Variants in PIP5K1B observed in about 807,000 individuals in gnomAD.
PIP5K1B encodes phosphatidylinositol 4-phosphate 5-kinase type-1 beta.
Under a neutral mutation model 67.0 loss-of-function variants are expected in PIP5K1B, and 42 were observed. The observed-to-expected ratio is 0.63, with a 90% CI of 0.49 to 0.81. The LOEUF is 0.81. PIP5K1B is among the 30% of genes least tolerant of loss of function. The pLI is 0.00. For synonymous variants in PIP5K1B, 214 were observed against 231.4 expected (o/e 0.92, Z 0.68); for missense variants, 459 against 646.3 (o/e 0.71, Z 3.14).
chr9:68,951,475 C>T (rs751913064), intron 14 of PIP5K1B, among the ~76,000 whole-genome samples: 2 of 152,186 alleles, frequency 1.3e-5, no homozygotes, highest in Admixed American at 1.3e-4. Context: ...ACCACCCTCA[C>T]CTGCTGCTTT....
At chr9:68,760,604 C>G (rs1224095401) in intron 2 of PIP5K1B, among the ~76,000 whole-genome samples, 1 of 152,072 alleles carries the variant, frequency 6.6e-6, no homozygotes, top group Non-Finnish European at 1.5e-5. Flanking sequence ...GGTCAGCTCA[C>G]TCTGCTGGAC....
At chr9:68,912,859 GAA>G (rs1292908455) in intron 8 of PIP5K1B, among the ~76,000 whole-genome samples, 1 of 152,198 alleles carries the variant, frequency 6.6e-6, no homozygotes, top group African/African-American at 2.4e-5. Flanking sequence ...CTTTAGTCAT[GAA>G]GAGAGGATGG....
chr9:68,881,846 C>G (rs1003765897), intron 6 of PIP5K1B, among the ~76,000 whole-genome samples: 8 of 152,224 alleles, frequency 5.3e-5, no homozygotes, highest in African/African-American at 1.9e-4. Flanking sequence ...TTCTTTCCTT[C>G]TCCATCATGT....
intron 1 of PIP5K1B, among the ~76,000 whole-genome samples, chr9:68,726,138 G>GACT (rs1828137390): frequency 6.6e-6 from 1 of 152,156 alleles, no homozygotes; most frequent in Non-Finnish European, 1.5e-5. Context: ...TGGATTGTTT[G>GACT]TAACACAAAG....
chr9:68,780,709 T>C, intron 2 of PIP5K1B: 2 of 1,614,196 alleles, frequency 1.2e-6, no homozygotes, highest in Non-Finnish European at 1.7e-6. Context: ...ACGACCCGAT[T>C]TACCACCCGG....
chr9:68,953,401 C>T (rs571759337), intron 14 of PIP5K1B, among the ~76,000 whole-genome samples: 2 of 152,002 alleles, frequency 1.3e-5, no homozygotes, highest in African/African-American at 4.8e-5. Flanking sequence ...TTTTTAGTCT[C>T]GGTTTTCATC....
chr9:68,826,910 C>A (rs962518636), intron 4 of PIP5K1B, among the ~76,000 whole-genome samples: 2 of 139,288 alleles, frequency 1.4e-5, no homozygotes. Flanking sequence ...TGCCGCCACG[C>A]CTGGCTAATT....
chr9:68,758,704 T>C (rs1476135376), intron 2 of PIP5K1B, among the ~76,000 whole-genome samples: 1 of 151,968 alleles, frequency 6.6e-6, no homozygotes, highest in African/African-American at 2.4e-5. Context: ...TGGAATAAGA[T>C]TTGAATAAAT....
intron 8 of PIP5K1B, among the ~76,000 whole-genome samples, chr9:68,909,441 A>G (rs1346926550): frequency 1.3e-5 from 2 of 151,992 alleles, no homozygotes; most frequent in African/African-American, 4.8e-5. Flanking sequence ...ATTATAATGG[A>G]TTAAAAATAT....
At chr9:68,872,080 G>A (rs1341745661) in intron 5 of PIP5K1B, among the ~76,000 whole-genome samples, 4 of 152,230 alleles carry the variant, frequency 2.6e-5, no homozygotes, top group Admixed American at 6.5e-5. Flanking sequence ...GTGGACTTCA[G>A]GAGGCAAACG....
At chr9:68,818,103 A>G (rs902027508) in intron 2 of PIP5K1B, among the ~76,000 whole-genome samples, 1 of 152,164 alleles carries the variant, frequency 6.6e-6, no homozygotes, top group Admixed American at 6.5e-5. Flanking sequence ...TCCAGCTTGA[A>G]TCTCCAGATA....
intron 3 of PIP5K1B, among the ~76,000 whole-genome samples, chr9:68,820,332 T>C (rs1435998441): frequency 6.6e-6 from 1 of 152,228 alleles, no homozygotes; most frequent in East Asian, 1.9e-4. Context: ...TTTAAGCTGA[T>C]ACAGCATGGA....
At chr9:68,781,517 T>C (rs1306754384) in intron 2 of PIP5K1B, 1 of 167,818 alleles carries the variant, frequency 6.0e-6, no homozygotes, top group Non-Finnish European at 1.5e-5. Context: ...GTTATATCTA[T>C]CTAGTGGTTG....
At chr9:68,874,818 C>A (rs1378850367) in intron 5 of PIP5K1B, among the ~76,000 whole-genome samples, 1 of 152,170 alleles carries the variant, frequency 6.6e-6, no homozygotes. Flanking sequence ...CCACTGAAAG[C>A]AGCCTGCTTC....
intron 15 of PIP5K1B, among the ~76,000 whole-genome samples, chr9:68,994,172 C>T (rs1271479992): frequency 1.3e-5 from 2 of 151,010 alleles, no homozygotes; most frequent in Non-Finnish European, 2.9e-5. Flanking sequence ...TCCTAAGTAG[C>T]TGGGATTACA....
intron 1 of PIP5K1B, among the ~76,000 whole-genome samples, chr9:68,718,153 T>C (rs1827716694): frequency 6.6e-6 from 1 of 152,142 alleles, no homozygotes; most frequent in Non-Finnish European, 1.5e-5. Context: ...TAAAACCCCC[T>C]AAAGACTCCC....
chr9:68,879,808 CTATT>C, intron 6 of PIP5K1B, among the ~76,000 whole-genome samples: 1 of 151,946 alleles, frequency 6.6e-6, no homozygotes, highest in Admixed American at 6.5e-5. Flanking sequence ...ATATGTATAA[CTATT>C]ATATATCATT....
chr9:69,004,321 G>A (rs1462889544), intron 15 of PIP5K1B, among the ~76,000 whole-genome samples: 1 of 109,024 alleles, frequency 9.2e-6, no homozygotes, highest in African/African-American at 3.1e-5. Context: ...CTTTGTGGGC[G>A]TGTGTGTGTG....
chr9:68,989,094 CA>C (rs71353097), intron 14 of PIP5K1B, among the ~76,000 whole-genome samples: 9,236 of 54,954 alleles, frequency 0.17, 108 homozygotes, highest in Admixed American at 0.21. Flanking sequence ...GACTCCGTCT[CA>C]AAAAAAAAAA....
Sources: gnomAD v4.1 joint callset for allele counts (sites outside exome capture counted in the v4.1 genomes callset) on GRCh38, gnomAD v4.1.1 for gene constraint, MANE v1.5 for transcripts, NCBI Gene and HGNC (gene_info 2026-07-23, HGNC 2026-07-21) for gene names.